The following QRSL1 variants were observed in gnomAD, a reference collection of about 807,000 sequenced individuals.
QRSL1 encodes glutamyl-tRNA(Gln) amidotransferase subunit A, mitochondrial.
In QRSL1, 54 loss-of-function variants were observed where a neutral mutation model predicts 61.6. The ratio of observed to expected loss-of-function variants is 0.88; its 90% CI spans 0.70 to 1.10. The LOEUF (loss-of-function observed/expected upper bound fraction) is 1.10. QRSL1 is among the 50% of genes least tolerant of loss of function. QRSL1 has a pLI of 0.00. For synonymous variants in QRSL1, 228 were observed against 225.7 expected (o/e 1.01, Z -0.09); for missense variants, 505 against 622.6 (o/e 0.81, Z 2.01).
chr6:106,663,196 C>A lies in QRSL1; in HGVS notation c.1366+11C>A, dbSNP rs371049606. 5.0e-6 allele frequency: 8 copies of A among 1,610,760 alleles called. No homozygotes were observed. Among genetic ancestry groups the A allele is most frequent in the Non-Finnish European group, 6.8e-6 (8 of 1,177,080 alleles). On this transcript the variant is annotated intron_variant, in intron 10 of 10. Coordinates refer to ENST00000369046, the MANE Select transcript of QRSL1 (RefSeq NM_018292.5). ...CTGTAAATATGGCAGGTGAGGATTC[C>A]TCAGGAACATTCTGATTTTCTTCAA...
At position 106,646,750 on chromosome 6, in the gene QRSL1, C is replaced by T. The variant is rs556357145; in HGVS notation, c.381-2275C>T. ...CACTTAAAAAATTGATAGACTTGGC[C>T]GGGCACGGTGGCTCACACCTGTAAT... On this transcript the variant is annotated intron_variant, in intron 4 of 10. Transcript: ENST00000369046. 5.3e-5 allele frequency among the ~76,000 whole-genome samples: 8 copies of T among 152,002 alleles called. No individual in the cohort carries two copies. In the South Asian group the frequency reaches 1.5e-3, roughly 28 times the overall value.
chr6:106,649,069 G>GGTTTATTCAAAACAATATA lies in QRSL1; in HGVS notation c.426_427insTTTATTCAAAACAATATAG (p.Ser143PhefsTer13). 3 of 1,613,898 alleles carry GGTTTATTCAAAACAATATA rather than the reference G, an allele frequency of 1.9e-6. No individual in the cohort carries two copies. The highest frequency in any genetic ancestry group is 2.5e-6 in the Non-Finnish European group (3 of 1,179,966). ...GTATTTGGACCAGTTAAAAACCCCTGGAGTTATTCAAAACAATATAGAGAA... is the reference window on the plus strand; with the variant it reads ...GTATTTGGACCAGTTAAAAACCCCTGGTTTATTCAAAACAATATAGAGTTATTCAAAACAATATAGAGAA... On this transcript the variant is annotated frameshift_variant, in exon 5 of 11. Transcript: ENST00000369046. LOFTEE classifies it high-confidence loss of function.
chr6:106,650,211 T>A (rs1404959209), intron 5 of QRSL1, among the ~76,000 whole-genome samples: 1 of 152,206 alleles, frequency 6.6e-6, no homozygotes, highest in African/African-American at 2.4e-5. Flanking sequence ...AATGTGCTTT[T>A]TAGTAGATGG....
intron 1 of QRSL1, among the ~76,000 whole-genome samples, chr6:106,632,128 C>G (rs1698915348): frequency 6.6e-6 from 1 of 152,168 alleles, no homozygotes; most frequent in East Asian, 1.9e-4. Flanking sequence ...CATGTTGTTG[C>G]AATTGACAAG....
chr6:106,661,581 CAT>C (rs1777355905), intron 9 of QRSL1, among the ~76,000 whole-genome samples: 1 of 148,998 alleles, frequency 6.7e-6, no homozygotes, highest in Non-Finnish European at 1.5e-5. Flanking sequence ...TAGAGTAAAA[CAT>C]ATTTCACGTT....
intron 4 of QRSL1, among the ~76,000 whole-genome samples, chr6:106,644,500 T>C (rs540186040): frequency 8.1e-6 from 1 of 124,128 alleles, no homozygotes; most frequent in African/African-American, 3.7e-5. Context: ...AGAAATCTTT[T>C]TTGTTTGTTT....
Position 106,667,382 on chromosome 6 carries a change from T to A in QRSL1, c.*1380T>A, listed in dbSNP as rs1487314884. Reference sequence around the variant, plus strand: ...ATTTGACAAAATCTAATGGAAACCATCCATTTACTCATGATAAGGCTTCAT... The same window carrying A: ...ATTTGACAAAATCTAATGGAAACCAACCATTTACTCATGATAAGGCTTCAT... On this transcript the variant is annotated 3_prime_UTR_variant, in exon 11 of 11. Coordinates refer to ENST00000369046, the MANE Select transcript of QRSL1 (RefSeq NM_018292.5). 6.6e-6 allele frequency: 1 copy of A among 152,190 alleles called. No homozygotes were observed. The highest frequency in any genetic ancestry group is 6.5e-5 in the Admixed American group (1 of 15,282). 9.4% of individuals were successfully genotyped at this position (152,190 alleles called of 1,614,324 possible).
In QRSL1 at chr6:106,637,113, G is replaced by A. The variant is rs186819749; in HGVS notation, c.25-3236G>A. ...CTGGAGCTCCAGCCCTCTCGACCTC[G>A]TTGGTTTCTGGCAGAATTCATTTCC... On this transcript the variant is annotated intron_variant, in intron 1 of 10. Transcript: ENST00000369046. Among the ~76,000 whole-genome samples, 40 of 152,298 alleles carry A rather than the reference G, an allele frequency of 2.6e-4. No individual in the cohort carries two copies. In the East Asian group the frequency reaches 3.5e-3, roughly 13 times the overall value.
Position 106,652,484 on chromosome 6 carries a change from GA to G in QRSL1, c.752del (p.Asp251AlafsTer24), listed in dbSNP as rs752524551. 4.3e-6 allele frequency: 7 copies of G among 1,614,070 alleles called. No homozygotes were observed. The Admixed American group carries it at 1.2e-4, about 27-fold the overall frequency. On this transcript the variant is annotated frameshift_variant, in exon 7 of 11. Transcript: ENST00000369046. LOFTEE classifies it high-confidence loss of function. The part of the protein sequence containing the change: ...AIVLGALAGP[D>X]PRDSTTVHEP... ...CCTTACAGGTGCACTGGCCGGACCT[GA>G]CCCCAGGGACTCTACCACAGTACAT...
rs1777453769 is a variant in QRSL1, at chr6:106,667,330, A to G, written c.*1328A>G. ...TTTTATTTGGGACCCTCGAGCCCAG[A>G]GATATTAATGGATATCTGTATTCAA... On this transcript the variant is annotated 3_prime_UTR_variant, in exon 11 of 11. Coordinates refer to ENST00000369046, the MANE Select transcript of QRSL1 (RefSeq NM_018292.5). The G allele has an allele frequency of 6.6e-6, 1 of 152,204 alleles. No homozygotes were observed. Among genetic ancestry groups the G allele is most frequent in the Admixed American group, 6.5e-5 (1 of 15,286 alleles). The allele number at this position is 152,204 out of a possible 1,614,324, so 9.4% of individuals were successfully genotyped here.
chr6:106,667,192 A>G lies in QRSL1; in HGVS notation c.*1190A>G, dbSNP rs542365852. The stretch of plus-strand genomic sequence containing the variant: ...GTAACATACACTCTGAAAAACATGC[A>G]GATAATTTGCTGATGAAGCAGAAGA... On this transcript the variant is annotated 3_prime_UTR_variant, in exon 11 of 11. Coordinates refer to ENST00000369046, the MANE Select transcript of QRSL1 (RefSeq NM_018292.5). 6.6e-6 allele frequency: 1 copy of G among 152,248 alleles called. No homozygotes were observed. The highest frequency in any genetic ancestry group is 1.9e-4 in the East Asian group (1 of 5,202). 9.4% of individuals were successfully genotyped at this position (152,248 alleles called of 1,614,324 possible).
Position 106,640,443 on chromosome 6 carries a change from A to T in QRSL1, c.119A>T (p.Tyr40Phe). Residue 40 changes from tyrosine to phenylalanine, a missense_variant, in exon 2 of 11, where the codon TAC becomes TTC. Physicochemically the swap from Tyr to Phe is conservative, Grantham distance 22. Transcript: ENST00000369046. ...LIKKTKFLNA[Y>F]ITVSEEVALK... ...AAGAAGACCAAGTTTCTAAATGCCT[A>T]CATTACTGTGTCAGAAGAGGTGGCC... 1 of 1,609,456 alleles carries T rather than the reference A, an allele frequency of 6.2e-7. No individual in the cohort carries two copies. The highest frequency in any genetic ancestry group is 8.5e-7 in the Non-Finnish European group (1 of 1,178,188).
intron 9 of QRSL1, 23 bp from the exon 10 acceptor site, chr6:106,662,957 C>T (rs373202131): frequency 1.4e-5 from 21 of 1,543,266 alleles, no homozygotes; most frequent in South Asian, 3.4e-5. Flanking sequence ...TCCTTAAAAA[C>T]ATCACCTACT....
chr6:106,665,639 A>G (rs1269961760), intron 10 of QRSL1, 143 bp from the exon 11 acceptor site: 4 of 710,734 alleles, frequency 5.6e-6, no homozygotes, highest in Non-Finnish European at 9.9e-6. Flanking sequence ...AAAACATAGT[A>G]CAAAAGCATT....
intron 1 of QRSL1, among the ~76,000 whole-genome samples, chr6:106,630,294 C>G (rs1224226236): frequency 6.6e-6 from 1 of 152,086 alleles, no homozygotes; most frequent in East Asian, 1.9e-4. Context: ...TCACTTTAAT[C>G]GGTGTTGAAG....
chr6:106,644,170 C>T (rs1562166930), intron 4 of QRSL1, among the ~76,000 whole-genome samples: 1 of 152,148 alleles, frequency 6.6e-6, no homozygotes, highest in Non-Finnish European at 1.5e-5. Flanking sequence ...CCACGCCCGG[C>T]CTTCTTTTCT....
chr6:106,642,601 AG>A lies in QRSL1; in HGVS notation c.284-391del, dbSNP rs1777039081. ...TCAAGGGAATGGGTATTGTTCAAAA[AG>A]GAATGCCCCACAAGTGTTACCATGG... is the stretch of plus-strand genomic sequence containing the variant. On this transcript the variant is annotated intron_variant, in intron 3 of 10. Coordinates refer to ENST00000369046, the MANE Select transcript of QRSL1 (RefSeq NM_018292.5). The A allele has an allele frequency of 4.0e-6, 3 of 755,888 alleles. No homozygotes were observed. In the East Asian group the frequency reaches 7.3e-5, roughly 18 times the overall value. The allele number at this position is 755,888 out of a possible 1,614,324, so 46.8% of individuals were successfully genotyped here. A position where few individuals can be genotyped will look rare whatever the true frequency, so the allele number is the denominator to read the frequency against.
intron 2 of QRSL1, 78 bp from the exon 3 acceptor site, chr6:106,640,745 T>C (rs1777004137): frequency 7.9e-7 from 1 of 1,266,952 alleles, no homozygotes; most frequent in Non-Finnish European, 1.1e-6. Context: ...AAACTAGTAG[T>C]TACTGTAATA....
chr6:106,650,540 ACCCC>A (rs1777175645), intron 5 of QRSL1, among the ~76,000 whole-genome samples: 1 of 2,508 alleles, frequency 4.0e-4, no homozygotes, highest in Admixed American at 3.9e-3. Flanking sequence ...TGATTTGTTT[ACCCC>A]TTTTTGATTT....
Sources: allele counts gnomAD v4.1 joint callset (sites outside exome capture counted in the v4.1 genomes callset), GRCh38; gene constraint gnomAD v4.1.1; transcripts MANE v1.5; gene names NCBI Gene and HGNC (gene_info 2026-07-23, HGNC 2026-07-21).